Variants in TLK2 observed in about 807,000 individuals in gnomAD.
TLK2 encodes tousled like kinase 2.
In TLK2, 6 loss-of-function variants were observed where a neutral mutation model predicts 117.3. The ratio of observed to expected loss-of-function variants is 0.05; its 90% CI spans 0.03 to 0.10. The LOEUF (loss-of-function observed/expected upper bound fraction) is 0.10. Ranked by LOEUF, TLK2 falls within the 10% of genes least tolerant of loss-of-function variation. The pLI, the probability that TLK2 is intolerant of heterozygous loss-of-function variation, is 1.00. For missense variants in TLK2, 299 were observed against 901.2 expected, an observed-to-expected ratio of 0.33 and a Z score of 8.56; for synonymous variants, 257 against 316.7, an observed-to-expected ratio of 0.81 and a Z score of 2.00.
At chr17:62,564,923 A>T in intron 10 of TLK2, 78 bp from the exon 11 acceptor site, 1 of 1,503,078 alleles carries the variant, frequency 6.7e-7, no homozygotes, top group Non-Finnish European at 8.9e-7. Context: ...TGATAATGTT[A>T]AATGTTTTAG....
intron 14 of TLK2, among the ~76,000 whole-genome samples, chr17:62,579,178 A>G (rs925824943): frequency 5.9e-5 from 9 of 152,332 alleles, no homozygotes; most frequent in Admixed American, 5.9e-4. Flanking sequence ...TTTGGCTTAT[A>G]TGAGCTTTGG....
At chr17:62,517,352 G>A (rs985057073) in intron 2 of TLK2, among the ~76,000 whole-genome samples, 37 of 152,108 alleles carry the variant, frequency 2.4e-4, no homozygotes, top group Non-Finnish European at 1.3e-4. Context: ...CCAATACCAC[G>A]ATGTTTTGAT....
intron 1 of TLK2, among the ~76,000 whole-genome samples, 169 bp downstream of exon 1, chr17:62,479,459 C>G (rs186227274): frequency 0.011 from 1,692 of 152,136 alleles, 27 homozygotes; most frequent in Admixed American, 0.018. Context: ...CTGCGGGTCG[C>G]TGAGGGGCCG....
At chr17:62,579,161 A>G (rs866513719) in intron 14 of TLK2, among the ~76,000 whole-genome samples, 6 of 152,078 alleles carry the variant, frequency 3.9e-5, no homozygotes, top group African/African-American at 1.4e-4. Flanking sequence ...TAGCTTGTAT[A>G]TTTTTGTTTG....
chr17:62,493,568 A>T (rs1455467548), intron 2 of TLK2, among the ~76,000 whole-genome samples: 2 of 152,228 alleles, frequency 1.3e-5, no homozygotes, highest in Non-Finnish European at 2.9e-5. Context: ...CTCAGGCCTT[A>T]TTAATAAGGG....
chr17:62,558,202 C>T (rs1415054141), intron 9 of TLK2, among the ~76,000 whole-genome samples: 2 of 151,432 alleles, frequency 1.3e-5, no homozygotes, highest in Admixed American at 6.6e-5. Context: ...CAGTGTCTTG[C>T]TCTGTCTCCC....
At chr17:62,522,162 A>G in intron 3 of TLK2, 42 bp from the exon 4 acceptor site, 2 of 1,601,586 alleles carry the variant, frequency 1.2e-6, no homozygotes, top group Non-Finnish European at 1.7e-6. Flanking sequence ...AACGTGAAAA[A>G]TTTACCAAAA....
chr17:62,517,488 G>A (rs1302462365), intron 2 of TLK2, among the ~76,000 whole-genome samples: 11 of 151,146 alleles, frequency 7.3e-5, no homozygotes, highest in East Asian at 2.0e-4. Context: ...TCCACCTTCC[G>A]GGTTCACGCC....
intron 20 of TLK2, among the ~76,000 whole-genome samples, 177 bp downstream of exon 20, chr17:62,606,418 A>G (rs2083304012): frequency 6.6e-6 from 1 of 152,258 alleles, no homozygotes; most frequent in African/African-American, 2.4e-5. Context: ...ATTCGTAAGC[A>G]GAAATCCTCA....
intron 6 of TLK2, among the ~76,000 whole-genome samples, chr17:62,533,516 GC>G (rs1338531518): frequency 6.7e-6 from 1 of 149,832 alleles, no homozygotes; most frequent in Admixed American, 6.7e-5. Context: ...TTGCTGTGTA[GC>G]CCAGGCTGGA....
intron 19 of TLK2, among the ~76,000 whole-genome samples, chr17:62,604,307 G>C (rs1366984466): frequency 1.3e-5 from 2 of 152,032 alleles, no homozygotes; most frequent in East Asian, 3.9e-4. Context: ...ACGCCTGGCT[G>C]AATACTTATT....
At chr17:62,495,752 A>G (rs1025860226) in intron 2 of TLK2, among the ~76,000 whole-genome samples, 12 of 151,042 alleles carry the variant, frequency 7.9e-5, no homozygotes, top group African/African-American at 1.9e-4. Flanking sequence ...TCTGCCTCCC[A>G]GGTTCAAGCG....
Position 62,577,442 on chromosome 17 carries a change from A to G in TLK2, c.1188+667A>G, listed in dbSNP as rs188716191. ...TGAAATTGATGTGAAGACTCCTGTC[A>G]TATTTCAAATCACATAGCAGCTCTT... On this transcript the variant is annotated intron_variant, in intron 13 of 21. Transcript: ENST00000346027. Among the ~76,000 whole-genome samples the G allele has an allele frequency of 6.8e-4, 104 of 152,370 alleles. 1 individual carries two copies. The highest frequency in any genetic ancestry group is 2.4e-3 in the African/African-American group (101 of 41,598).
intron 11 of TLK2, among the ~76,000 whole-genome samples, chr17:62,569,121 A>G (rs1190553671): frequency 2.6e-5 from 4 of 151,526 alleles, no homozygotes; most frequent in Non-Finnish European, 4.4e-5. Context: ...CCTGGCCAAC[A>G]TGGTGAAACC....
Position 62,613,976 on chromosome 17 carries a change from T to A in TLK2, c.*1411T>A, listed in dbSNP as rs2083958633. 1 of 151,928 alleles carries A rather than the reference T, an allele frequency of 6.6e-6. No individual in the cohort carries two copies. The highest frequency in any genetic ancestry group is 6.6e-5 in the Admixed American group (1 of 15,236). The allele number at this position is 151,928 out of a possible 1,614,324, so 9.4% of individuals were successfully genotyped here. A position where few individuals can be genotyped will look rare whatever the true frequency, so the allele number is the denominator to read the frequency against. On this transcript the variant is annotated 3_prime_UTR_variant, in exon 22 of 22. Transcript: ENST00000346027. ...CCATCTCTACTAAAAATATAAAAAT[T>A]AGCCTGGCGTGGTGGCGTGTGCCTC...
chr17:62,560,570 A>G (rs766832308), intron 10 of TLK2, among the ~76,000 whole-genome samples: 1 of 152,112 alleles, frequency 6.6e-6, no homozygotes, highest in Non-Finnish European at 1.5e-5. Context: ...ATATACCTGC[A>G]TATGATTACT....
chr17:62,568,889 C>T (rs2080029440), intron 11 of TLK2, among the ~76,000 whole-genome samples: 1 of 152,134 alleles, frequency 6.6e-6, no homozygotes, highest in African/African-American at 2.4e-5. Context: ...CCATCTGATT[C>T]TCAGTCATAT....
intron 2 of TLK2, among the ~76,000 whole-genome samples, chr17:62,506,724 C>T (rs2145146938): frequency 6.6e-6 from 1 of 152,108 alleles, no homozygotes; most frequent in East Asian, 1.9e-4. Flanking sequence ...TTGTACAGAG[C>T]TTCTAGTTTC....
chr17:62,516,485 G>A (rs1313825260), intron 2 of TLK2: 25 of 1,605,354 alleles, frequency 1.6e-5, no homozygotes, highest in Non-Finnish European at 1.9e-5. Flanking sequence ...CGGCTACGGC[G>A]TAGGGTGGCA....
Sources: gnomAD v4.1 joint callset for allele counts (sites outside exome capture counted in the v4.1 genomes callset) on GRCh38, gnomAD v4.1.1 for gene constraint, MANE v1.5 for transcripts, NCBI Gene and HGNC (gene_info 2026-07-23, HGNC 2026-07-21) for gene names.